The following POLR1A variants were observed in gnomAD, a reference collection of about 807,000 sequenced individuals.
The protein encoded by POLR1A is DNA-directed RNA polymerase I subunit RPA1.
In POLR1A, 84 loss-of-function variants were observed where a neutral mutation model predicts 205.3. The ratio of observed to expected loss-of-function variants is 0.41; its 90% confidence interval spans 0.34 to 0.49. POLR1A has a LOEUF of 0.49. Among genes scored for constraint, POLR1A ranks in the 20% least tolerant of loss-of-function variants. The pLI is 0.22. For missense variants in POLR1A, 1,645 were observed against 2,204.5 expected, an observed-to-expected ratio of 0.75 and a Z score of 5.08; for synonymous variants, 799 against 863.7, an observed-to-expected ratio of 0.93 and a Z score of 1.31.
chr2:86,097,019 C>T (rs902671401), intron 3 of POLR1A, among the ~76,000 whole-genome samples: 2 of 151,768 alleles, frequency 1.3e-5, no homozygotes, highest in Non-Finnish European at 2.9e-5. Context: ...AACATCTCAA[C>T]AGCAAAAATC....
Position 86,078,222 on chromosome 2 carries a change from G to A in POLR1A, c.1149C>T (p.Leu383=), listed in dbSNP as rs1573826463. ...TCCAAATGTTGTAAAGTTTGTCTAT[G>A]AGGGACTGGCCTGGAAGTGTACTCA... ...SFLSTLPGQS[L]IDKLYNIWIR... is the part of the protein sequence containing the mutation. The change falls in exon 10 of 34, where the codon CTC becomes CTT. Residue 383 remains leucine (L), a synonymous_variant. Transcript: ENST00000263857. 6.2e-7 allele frequency: 1 copy of A among 1,612,614 alleles called. No homozygotes were observed.
Position 86,065,292 on chromosome 2 carries a change from C to A in POLR1A, c.2040G>T (p.Pro680=). The change falls in exon 14 of 34, where the codon CCG becomes CCT. Residue 680 remains proline (P), a synonymous_variant. Transcript: ENST00000263857. ...LLSPSILKPF[P]LWTGKQVVST... ...CAATTACCTGTTTTCCTGTCCACAG[C>A]GGAAAGGGCTTCAGGATGGAAGGAG... 1.9e-6 allele frequency: 3 copies of A among 1,613,752 alleles called. No homozygotes were observed. Among genetic ancestry groups the A allele is most frequent in the Non-Finnish European group, 2.5e-6 (3 of 1,179,818 alleles).
At chr2:86,047,767 C>T (rs4832236) in intron 18 of POLR1A, among the ~76,000 whole-genome samples, 57,189 of 152,130 alleles carry the variant, frequency 0.38, 13,508 homozygotes, top group Non-Finnish European at 0.54. Context: ...CAGAACCAAG[C>T]ATGCCCCTTC....
In POLR1A at chr2:86,044,122, G is replaced by A. The variant is rs773082259; in HGVS notation, c.3135+17C>T. 6.8e-6 allele frequency: 11 copies of A among 1,613,258 alleles called. No homozygotes were observed. Among genetic ancestry groups the A allele is most frequent in the African/African-American group, 5.3e-5 (4 of 74,910 alleles). ...GCCTACTGCTCGGCCCCCAGGCTCCGGGATCTAGCACACTACCTCGTAGTT... is the reference window on the plus strand; with the variant it reads ...GCCTACTGCTCGGCCCCCAGGCTCCAGGATCTAGCACACTACCTCGTAGTT... On this transcript the variant is annotated intron_variant, in intron 22 of 33. Coordinates refer to ENST00000263857, the MANE Select transcript of POLR1A (RefSeq NM_015425.6).
Position 86,077,916 on chromosome 2 carries a change from C to A in POLR1A, c.1323G>T (p.Ala441=). The change falls in exon 11 of 34, where the codon GCG becomes GCT. Residue 441 remains alanine (A), a synonymous_variant. Transcript: ENST00000263857. ...HMMGKRVDYA[A]RSVICPDMYI... is the part of the protein sequence containing the mutation. ...ACATGTCTGGGCAGATGACTGAGCGCGCAGCGTAGTCCACTCGCTTTCCCA... is the reference window on the plus strand; with the variant it reads ...ACATGTCTGGGCAGATGACTGAGCGAGCAGCGTAGTCCACTCGCTTTCCCA... 1 of 1,613,988 alleles carries A rather than the reference C, an allele frequency of 6.2e-7. No homozygotes were observed. Among genetic ancestry groups the A allele is most frequent in the Admixed American group, 1.7e-5 (1 of 60,026 alleles).
intron 14 of POLR1A, among the ~76,000 whole-genome samples, chr2:86,060,216 T>TA (rs1672970889): frequency 6.6e-6 from 1 of 152,192 alleles, no homozygotes. Context: ...ATAGTGTAAA[T>TA]ACGTTGATTC....
chr2:86,081,715 G>T lies in POLR1A; in HGVS notation c.818-9C>A. ...GTAGTTCAGAAAGAATCCTGCGTTGGAAAGAAATAAACCAAGAAGACCATT... is the reference window on the plus strand; with the variant it reads ...GTAGTTCAGAAAGAATCCTGCGTTGTAAAGAAATAAACCAAGAAGACCATT... On this transcript the variant is annotated splice_polypyrimidine_tract_variant and intron_variant, in intron 7 of 33. Coordinates refer to ENST00000263857, the MANE Select transcript of POLR1A (RefSeq NM_015425.6). 6.4e-7 allele frequency: 1 copy of T among 1,551,170 alleles called. No individual in the cohort carries two copies. Among genetic ancestry groups the T allele is most frequent in the Non-Finnish European group, 8.9e-7 (1 of 1,127,320 alleles).
At chr2:86,076,467 CT>C (rs1490902315) in intron 11 of POLR1A, among the ~76,000 whole-genome samples, 1 of 152,256 alleles carries the variant, frequency 6.6e-6, no homozygotes, top group African/African-American at 2.4e-5. Context: ...CTGTGCTTCA[CT>C]GCTGGTCTCC....
At chr2:86,041,362 T>TGC (rs1210974661) in intron 24 of POLR1A, among the ~76,000 whole-genome samples, 4 of 150,220 alleles carry the variant, frequency 2.7e-5, no homozygotes, top group African/African-American at 9.9e-5. Flanking sequence ...TGTGTGTGTG[T>TGC]GTGCGCGCGC....
intron 14 of POLR1A, among the ~76,000 whole-genome samples, chr2:86,058,814 A>G (rs1217988714): frequency 6.6e-6 from 1 of 152,098 alleles, no homozygotes; most frequent in Non-Finnish European, 1.5e-5. Context: ...TACTTTAAGA[A>G]TTTATCTAAC....
chr2:86,020,956 T>C lies in POLR1A; in HGVS notation c.*6467A>G, dbSNP rs1346901489. 1 of 152,270 alleles carries C rather than the reference T, an allele frequency of 6.6e-6. No individual in the cohort carries two copies. The highest frequency in any genetic ancestry group is 1.5e-5 in the Non-Finnish European group (1 of 68,044). The allele number at this position is 152,270 out of a possible 1,614,324, so 9.4% of individuals were successfully genotyped here. On this transcript the variant is annotated 3_prime_UTR_variant, in exon 34 of 34. Transcript: ENST00000263857. ...CATTTTACATAAAAGGAAACTGAAG[T>C]GCATTTCTTAGGGTCCCACTGTAAG...
intron 1 of POLR1A, among the ~76,000 whole-genome samples, chr2:86,101,611 AC>A (rs1673823784): frequency 1.3e-5 from 2 of 152,142 alleles, no homozygotes; most frequent in Non-Finnish European, 2.9e-5. Flanking sequence ...CAAATTACTT[AC>A]CTTTTGTTCT....
intron 2 of POLR1A, 129 bp downstream of exon 2, chr2:86,099,839 T>C: frequency 1.4e-6 from 1 of 702,992 alleles, no homozygotes; most frequent in Middle Eastern, 4.0e-4. Context: ...CTTCAAAATC[T>C]CATTCTACAG....
chr2:86,028,060 G>C lies in POLR1A; in HGVS notation c.4898-11C>G. On this transcript the variant is annotated splice_polypyrimidine_tract_variant and intron_variant, in intron 32 of 33. Coordinates refer to ENST00000263857, the MANE Select transcript of POLR1A (RefSeq NM_015425.6). This position sits in a 1 kb window ranked among gnomAD's most constrained non-coding sequence, Gnocchi z 4.5. ...GGTCGACCGCGATGCCTGTCAAACG[G>C]GAGGTAAAATTAGGAGGGATTAAGC... 6.2e-7 allele frequency: 1 copy of C among 1,614,046 alleles called. No individual in the cohort carries two copies. The highest frequency in any genetic ancestry group is 8.5e-7 in the Non-Finnish European group (1 of 1,179,922).
rs1672303520 is a variant in POLR1A at position 86,028,022 on chromosome 2, G to A, written c.4925C>T (p.Ser1642Phe). ...YGIAVDPRHL[S>F]LVADYMCFEG... ...GAAGCACATATAATCAGCAACCAGG[G>A]AGAGATGGCGAGGGTCGACCGCGAT... The change falls in exon 33 of 34, where the codon TCC becomes TTC. Residue 1642 changes from serine (S) to phenylalanine (F), a missense_variant. Transcript: ENST00000263857. The surrounding 1 kb of genome is among the most constrained non-coding windows in gnomAD (Gnocchi z 4.5). The A allele has an allele frequency of 6.2e-7, 1 of 1,614,206 alleles. No individual in the cohort carries two copies. The highest frequency in any genetic ancestry group is 8.5e-7 in the Non-Finnish European group (1 of 1,180,032).
At position 86,079,108 on chromosome 2, in the gene POLR1A, A is replaced by G. The variant is rs1196184848; in HGVS notation, c.1087-824T>C. 7.2e-5 allele frequency among the ~76,000 whole-genome samples: 11 copies of G among 152,180 alleles called. No individual in the cohort carries two copies. The South Asian group carries it at 1.9e-3, about 26-fold the overall frequency. Reference sequence around the variant, plus strand: ...GAGGTGGGAGGGTGAGGGTGGGTGAAGATTCAGTAAACGAGAATGTTATGA... The same window carrying G: ...GAGGTGGGAGGGTGAGGGTGGGTGAGGATTCAGTAAACGAGAATGTTATGA... On this transcript the variant is annotated intron_variant, in intron 9 of 33. Transcript: ENST00000263857.
In POLR1A at chr2:86,048,996, T is replaced by G; in HGVS notation, c.2522A>C (p.Glu841Ala). ...LNLPEAASYD[E>A]VRGKWQDAHL... ...GGCATCCTGCCATTTTCCTCGGACC[T>G]CATCATATGATGCGGCTTCTGGCAG... The change falls in exon 18 of 34, where the codon GAG (glutamate) becomes GCG (alanine). Residue 841 changes from glutamate to alanine, a missense_variant. By Grantham distance (107) the Glu-to-Ala change is moderately radical. Around this residue, in one of 16 missense-constraint regions of POLR1A, gnomAD observed 339 missense variants for 415.1 expected, o/e 0.82. Coordinates refer to ENST00000263857, the MANE Select transcript of POLR1A (RefSeq NM_015425.6). 2 of 1,614,128 alleles carry G rather than the reference T, an allele frequency of 1.2e-6. No homozygotes were observed. The highest frequency in any genetic ancestry group is 1.7e-6 in the Non-Finnish European group (2 of 1,179,918).
At position 86,033,739 on chromosome 2, in the gene POLR1A, T is replaced by C; in HGVS notation, c.4083A>G (p.Ala1361=). 1.2e-6 allele frequency: 2 copies of C among 1,613,894 alleles called. No individual in the cohort carries two copies. Among genetic ancestry groups the C allele is most frequent in the Non-Finnish European group, 1.7e-6 (2 of 1,179,788 alleles). The change falls in exon 28 of 34, where the codon GCA becomes GCG. Residue 1361 remains alanine, a synonymous_variant. Coordinates refer to ENST00000263857, the MANE Select transcript of POLR1A (RefSeq NM_015425.6). ...GAGTGTTTACGTTCCTGAAAGCTGA[T>C]GCTTTATTATTCTTCTTTTTGATGG... ...MESIKKKNNK[A]SAFRNVNTRR...
chr2:86,077,769 T>C (rs1210165435), intron 11 of POLR1A, 90 bp downstream of exon 11: 2 of 1,476,264 alleles, frequency 1.4e-6, no homozygotes, highest in Non-Finnish European at 9.4e-7. Flanking sequence ...GGCATTCTCA[T>C]CTGCCACCCA....
Sources: allele counts gnomAD v4.1 joint callset (sites outside exome capture counted in the v4.1 genomes callset), GRCh38; gene constraint gnomAD v4.1.1; regional missense constraint gnomAD v4.1.1; non-coding constraint Gnocchi (gnomAD v3.1); transcripts MANE v1.5; gene names NCBI Gene and HGNC (gene_info 2026-07-23, HGNC 2026-07-21).